TASP1: variants seen among roughly 807,000 people sequenced by gnomAD.
The protein encoded by TASP1 is taspase 1.
Under a neutral mutation model 56.6 loss-of-function variants are expected in TASP1, and 16 were observed. The ratio of observed to expected loss-of-function variants is 0.28; its 90% CI spans 0.19 to 0.43. The LOEUF is 0.43. Among genes scored for constraint, TASP1 ranks in the 20% least tolerant of loss-of-function variants. The pLI is 1.00. For missense variants in TASP1, 393 were observed against 511.6 expected (o/e 0.77, Z 2.24); for synonymous variants, 179 against 184.2 (o/e 0.97, Z 0.23).
chr20:13,508,444 T>C (rs1177905961), intron 10 of TASP1, among the ~76,000 whole-genome samples: 5 of 152,228 alleles, frequency 3.3e-5, no homozygotes, highest in South Asian at 2.1e-4. Flanking sequence ...GAAATGCTCA[T>C]TGGGGCATTT....
At chr20:13,580,810 C>G in intron 6 of TASP1, 87 bp downstream of exon 6, 1 of 1,314,596 alleles carries the variant, frequency 7.6e-7, no homozygotes, top group Non-Finnish European at 1.1e-6. Flanking sequence ...CAAAGGCATG[C>G]TACCTGGTAT....
intron 2 of TASP1, among the ~76,000 whole-genome samples, chr20:13,629,478 T>A (rs543743540): frequency 1.3e-5 from 2 of 152,176 alleles, no homozygotes; most frequent in South Asian, 4.2e-4. Context: ...CAATATTTTA[T>A]TTTATTTTAT....
At chr20:13,564,831 T>A (rs1038141007) in intron 7 of TASP1, among the ~76,000 whole-genome samples, 2 of 151,506 alleles carry the variant, frequency 1.3e-5, no homozygotes, top group South Asian at 2.1e-4. Flanking sequence ...TGAAACCTCA[T>A]CTCTACTAAA....
chr20:13,415,443 T>C (rs2042222725), intron 13 of TASP1, among the ~76,000 whole-genome samples: 1 of 120,096 alleles, frequency 8.3e-6, no homozygotes, highest in Non-Finnish European at 1.9e-5. Context: ...TTTGGGGTTT[T>C]CTTTTTTTTT....
At chr20:13,298,042 G>A in the TASP1 span, among the ~76,000 whole-genome samples, 3 of 151,902 alleles carry the variant, frequency 2.0e-5, no homozygotes, top group Non-Finnish European at 4.4e-5. Flanking sequence ...ATCTTCCTTT[G>A]GGGCCTTTTC....
chr20:13,434,933 G>T, intron 12 of TASP1, 111 bp downstream of exon 12: 1 of 654,212 alleles, frequency 1.5e-6, no homozygotes, highest in Non-Finnish European at 2.6e-6. Flanking sequence ...TATCAATAAA[G>T]CATGCTGACC....
At chr20:13,424,282 G>A (rs2042548334) in intron 12 of TASP1, among the ~76,000 whole-genome samples, 2 of 152,108 alleles carry the variant, frequency 1.3e-5, no homozygotes, top group Admixed American at 1.3e-4. Flanking sequence ...GTAGTACAAA[G>A]TTTGCTCAAA....
chr20:13,528,566 A>G (rs969185118), intron 9 of TASP1, 55 bp from the exon 10 acceptor site: 13 of 1,446,946 alleles, frequency 9.0e-6, no homozygotes, highest in African/African-American at 1.4e-5. Context: ...TGTAATTATT[A>G]GTTTTCAACA....
At chr20:13,114,016 A>T in the TASP1 span, among the ~76,000 whole-genome samples, 1 of 152,228 alleles carries the variant, frequency 6.6e-6, no homozygotes, top group Admixed American at 6.5e-5. Flanking sequence ...TTGCCCCAGG[A>T]CAGATAACCG....
At chr20:13,366,753 G>A in the TASP1 span, among the ~76,000 whole-genome samples, 4 of 152,080 alleles carry the variant, frequency 2.6e-5, no homozygotes, top group Admixed American at 1.3e-4. Flanking sequence ...CACTCTCTCC[G>A]ACAAAAGATG....
At chr20:13,370,469 A>C in the TASP1 span, among the ~76,000 whole-genome samples, 1 of 152,130 alleles carries the variant, frequency 6.6e-6, no homozygotes, top group Non-Finnish European at 1.5e-5. Flanking sequence ...CTATGTTTGT[A>C]CATTTTGAAG....
chr20:13,222,518 T>C, the TASP1 span, among the ~76,000 whole-genome samples: 1 of 151,858 alleles, frequency 6.6e-6, no homozygotes, highest in African/African-American at 2.4e-5. Flanking sequence ...TTGTGCCCCC[T>C]TGGTCATGGG....
At chr20:13,537,503 G>C (rs1235785031) in intron 8 of TASP1, among the ~76,000 whole-genome samples, 1 of 152,186 alleles carries the variant, frequency 6.6e-6, no homozygotes, top group South Asian at 2.1e-4. Context: ...CACAGAGCTC[G>C]TTTGTACAGG....
At chr20:13,368,178 A>G in the TASP1 span, 5 of 152,206 alleles carry the variant, frequency 3.3e-5, no homozygotes, top group Admixed American at 3.3e-4. Flanking sequence ...AGGATTAAGA[A>G]CAGAAACTCC....
chr20:13,350,027 T>C, the TASP1 span, among the ~76,000 whole-genome samples: 1 of 152,006 alleles, frequency 6.6e-6, no homozygotes, highest in Non-Finnish European at 1.5e-5. Flanking sequence ...GGCATGCACC[T>C]ATAGTTCCAG....
intron 10 of TASP1, among the ~76,000 whole-genome samples, chr20:13,514,559 CCCTCA>C (rs1271749206): frequency 6.6e-6 from 1 of 152,148 alleles, no homozygotes; most frequent in African/African-American, 2.4e-5. Context: ...GCCCATAAAT[CCCTCA>C]CCTCAATGTG....
intron 13 of TASP1, among the ~76,000 whole-genome samples, chr20:13,409,519 T>C (rs1005122162): frequency 2.0e-5 from 3 of 152,154 alleles, no homozygotes; most frequent in Non-Finnish European, 4.4e-5. Flanking sequence ...CTGACACTAA[T>C]ATAGCCATAC....
chr20:13,340,792 C>T, the TASP1 span, among the ~76,000 whole-genome samples: 1 of 152,038 alleles, frequency 6.6e-6, no homozygotes, highest in African/African-American at 2.4e-5. Flanking sequence ...ACAAATTTAC[C>T]ACTGAAATCA....
At chr20:13,417,402 C>A (rs368930222) in intron 13 of TASP1, 46 bp downstream of exon 13, 3 of 1,603,394 alleles carry the variant, frequency 1.9e-6, no homozygotes, top group African/African-American at 1.3e-5. Context: ...GAGGTTTATG[C>A]GATGGCTACA....
Sources: gnomAD v4.1 joint callset for allele counts (sites outside exome capture counted in the v4.1 genomes callset) on GRCh38, gnomAD v4.1.1 for gene constraint, MANE v1.5 for transcripts, NCBI Gene and HGNC (gene_info 2026-07-23, HGNC 2026-07-21) for gene names.